The following ST6GALNAC3 variants were observed in gnomAD, a reference collection of about 807,000 sequenced individuals.
ST6GALNAC3 encodes ST6 N-acetylgalactosaminide alpha-2,6-sialyltransferase 3, also known as alpha-N-acetylgalactosaminide alpha-2,6-sialyltransferase 3.
Under a neutral mutation model 32.7 loss-of-function variants are expected in ST6GALNAC3, and 25 were observed. That is an observed-to-expected ratio of 0.76 (90% CI 0.56 to 1.07). ST6GALNAC3 has a LOEUF of 1.07. ST6GALNAC3 is among the 50% of genes least tolerant of loss of function. The probability of loss-of-function intolerance (pLI) is 0.00; values close to 1 mark genes in which losing one functional copy is unlikely to be tolerated. For synonymous variants in ST6GALNAC3, 129 were observed against 133.1 expected (o/e 0.97, Z 0.21); for missense variants, 355 against 382.4 (o/e 0.93, Z 0.60).
At chr1:76,246,472 T>A (rs2100683726) in intron 1 of ST6GALNAC3, among the ~76,000 whole-genome samples, 1 of 152,340 alleles carries the variant, frequency 6.6e-6, no homozygotes, top group African/African-American at 2.4e-5. Flanking sequence ...CTGGTTATTT[T>A]GCACATTAGT....
At chr1:76,284,719 T>C (rs1441807799) in intron 1 of ST6GALNAC3, among the ~76,000 whole-genome samples, 3 of 151,646 alleles carry the variant, frequency 2.0e-5, no homozygotes, top group African/African-American at 7.3e-5. Context: ...GAGGCAAGAG[T>C]GTACATGATC....
rs552565317 is a variant in ST6GALNAC3, at chr1:76,336,726, G to C, written c.213+22727G>C. ...GCTCTACCCAGCACCTCTGTGGACA[G>C]GAACTCCTTTTATCCCCCACTCATT... On this transcript the variant is annotated intron_variant, in intron 2 of 4. Transcript: ENST00000328299. Among the ~76,000 whole-genome samples the C allele has an allele frequency of 5.9e-5, 9 of 152,298 alleles. No individual in the cohort carries two copies. In the South Asian group the frequency reaches 1.7e-3, roughly 28 times the overall value.
chr1:76,431,944 A>G (rs1292217379), intron 3 of ST6GALNAC3, among the ~76,000 whole-genome samples: 22 of 152,122 alleles, frequency 1.4e-4, no homozygotes. Flanking sequence ...TATAATACAG[A>G]ATAGTTTCAC....
intron 3 of ST6GALNAC3, among the ~76,000 whole-genome samples, chr1:76,427,890 G>A (rs1297688947): frequency 6.6e-6 from 1 of 152,094 alleles, no homozygotes; most frequent in Non-Finnish European, 1.5e-5. Context: ...TAACCAACCA[G>A]GTGTGTATAG....
At chr1:76,344,517 T>C (rs376741109) in intron 2 of ST6GALNAC3, among the ~76,000 whole-genome samples, 2 of 152,308 alleles carry the variant, frequency 1.3e-5, no homozygotes, top group Middle Eastern at 3.4e-3. Context: ...GAATGTAAAC[T>C]CTATAAGGAA....
At chr1:76,577,755 T>G (rs903643987) in intron 3 of ST6GALNAC3, among the ~76,000 whole-genome samples, 1 of 152,036 alleles carries the variant, frequency 6.6e-6, no homozygotes, top group African/African-American at 2.4e-5. Flanking sequence ...CAGAATTGTA[T>G]TAATGGAGCA....
chr1:76,188,590 A>ATCCC (rs1653714629), intron 1 of ST6GALNAC3, among the ~76,000 whole-genome samples: 1 of 152,160 alleles, frequency 6.6e-6, no homozygotes, highest in Non-Finnish European at 1.5e-5. Flanking sequence ...AGGGGCACTG[A>ATCCC]TCCCTATACA....
intron 1 of ST6GALNAC3, among the ~76,000 whole-genome samples, chr1:76,184,356 T>G (rs1342144704): frequency 6.6e-6 from 1 of 152,054 alleles, no homozygotes; most frequent in Non-Finnish European, 1.5e-5. Context: ...CTGGCCAACA[T>G]AGTGAAACCC....
At chr1:76,531,606 C>T (rs982101926) in intron 3 of ST6GALNAC3, among the ~76,000 whole-genome samples, 1 of 152,052 alleles carries the variant, frequency 6.6e-6, no homozygotes, top group African/African-American at 2.4e-5. Context: ...CTTTTTTCCC[C>T]CTCATTGACT....
chr1:76,468,254 GACCCCC>G (rs1658780312), intron 3 of ST6GALNAC3, among the ~76,000 whole-genome samples: 1 of 151,870 alleles, frequency 6.6e-6, no homozygotes, highest in Non-Finnish European at 1.5e-5. Context: ...AAACAGAAAA[GACCCCC>G]ACTTAGATAC....
chr1:76,468,952 C>CCAAGGAACA (rs1238012565), intron 3 of ST6GALNAC3, among the ~76,000 whole-genome samples: 6 of 151,906 alleles, frequency 3.9e-5, no homozygotes. Context: ...TTTCCTTGGC[C>CCAAGGAACA]ACTGAACCTG....
chr1:76,080,568 G>A (rs993709122), intron 1 of ST6GALNAC3, among the ~76,000 whole-genome samples: 3 of 151,028 alleles, frequency 2.0e-5, no homozygotes, highest in Admixed American at 6.6e-5. Flanking sequence ...AAAGAGAAGT[G>A]TAGGCGTGGT....
At position 76,631,020 on chromosome 1, in the gene ST6GALNAC3, G is replaced by T; in HGVS notation, c.*2214G>T. On this transcript the variant is annotated 3_prime_UTR_variant, in exon 5 of 5. Transcript: ENST00000328299. ...GAAGGGCCAACTCTTATTTGTTCTA[G>T]CCCCTACTGATGAGAAACATTTGAA... 1.0e-6 allele frequency: 1 copy of T among 985,468 alleles called. No homozygotes were observed. The allele number at this position is 985,468 out of a possible 1,614,324, so 61.0% of individuals were successfully genotyped here.
intron 3 of ST6GALNAC3, among the ~76,000 whole-genome samples, chr1:76,534,392 G>T (rs1279287544): frequency 1.3e-5 from 2 of 152,048 alleles, no homozygotes; most frequent in East Asian, 3.9e-4. Flanking sequence ...TCCATGGTAG[G>T]CAACCACCAC....
chr1:76,120,478 T>C (rs1036116046), intron 1 of ST6GALNAC3, among the ~76,000 whole-genome samples: 1 of 152,194 alleles, frequency 6.6e-6, no homozygotes, highest in African/African-American at 2.4e-5. Flanking sequence ...CTTATGTTAG[T>C]GGCATACTTT....
chr1:76,162,138 G>A (rs1570260727), intron 1 of ST6GALNAC3, among the ~76,000 whole-genome samples: 1 of 152,304 alleles, frequency 6.6e-6, no homozygotes, highest in African/African-American at 2.4e-5. Context: ...CTTAACAGCT[G>A]TGTGAATGGG....
chr1:76,353,391 A>C (rs151245944), intron 2 of ST6GALNAC3, among the ~76,000 whole-genome samples: 1 of 151,910 alleles, frequency 6.6e-6, no homozygotes, highest in Non-Finnish European at 1.5e-5. Flanking sequence ...CTTTCTACCA[A>C]TGATTATTGA....
intron 3 of ST6GALNAC3, among the ~76,000 whole-genome samples, chr1:76,556,989 A>G (rs1377124894): frequency 6.6e-6 from 1 of 152,072 alleles, no homozygotes; most frequent in Non-Finnish European, 1.5e-5. Context: ...TTTTGAGAGT[A>G]GTAGAATTTT....
rs1481532263 is a variant in ST6GALNAC3 at position 76,087,820 on chromosome 1, A to G, written c.18+12936A>G. Among the ~76,000 whole-genome samples, 3 of 152,382 alleles carry G rather than the reference A, an allele frequency of 2.0e-5. No individual in the cohort carries two copies. The South Asian group carries it at 6.2e-4, about 32-fold the overall frequency. On this transcript the variant is annotated intron_variant, in intron 1 of 4. Coordinates refer to ENST00000328299, the MANE Select transcript of ST6GALNAC3 (RefSeq NM_152996.4). ...CTATTTGTAACTTGCCCATGATAAT[A>G]ATAACTTTAATGATACAATAACATC...
Sources: allele counts gnomAD v4.1 joint callset (sites outside exome capture counted in the v4.1 genomes callset), GRCh38; gene constraint gnomAD v4.1.1; transcripts MANE v1.5; gene names NCBI Gene and HGNC (gene_info 2026-07-23, HGNC 2026-07-21).